Variants in ADAMTS12 observed in about 807,000 individuals in gnomAD.
The protein encoded by ADAMTS12 is A disintegrin and metalloproteinase with thrombospondin motifs 12.
ADAMTS12 carries 118 observed loss-of-function variants against 167.8 expected under a neutral mutation model. That is an observed-to-expected ratio of 0.70 (90% CI 0.61 to 0.82). The LOEUF (loss-of-function observed/expected upper bound fraction) is 0.82. Among genes scored for constraint, ADAMTS12 ranks in the 40% least tolerant of loss-of-function variants. The pLI is 0.00. For missense variants in ADAMTS12, 1,916 were observed against 1,998.8 expected, an observed-to-expected ratio of 0.96 and a Z score of 0.79; for synonymous variants, 704 against 716.9, an observed-to-expected ratio of 0.98 and a Z score of 0.29.
intron 2 of ADAMTS12, among the ~76,000 whole-genome samples, chr5:33,754,275 G>A (rs1745097335): frequency 6.6e-6 from 1 of 152,184 alleles, no homozygotes; most frequent in South Asian, 2.1e-4. Context: ...AAAGAAAATA[G>A]TTTCCATTCT....
intron 13 of ADAMTS12, 45 bp downstream of exon 13, chr5:33,630,735 G>A: frequency 1.3e-6 from 2 of 1,573,322 alleles, no homozygotes; most frequent in Non-Finnish European, 1.7e-6. Flanking sequence ...ATTAGTAAAA[G>A]TCATGATTTT....
chr5:33,696,834 C>T (rs989108270), intron 3 of ADAMTS12, among the ~76,000 whole-genome samples: 3 of 152,220 alleles, frequency 2.0e-5, no homozygotes, highest in Non-Finnish European at 2.9e-5. Context: ...TGGGCCTCTG[C>T]CCACTTCTGC....
chr5:33,690,101 AT>A (rs1361038866), intron 3 of ADAMTS12, among the ~76,000 whole-genome samples: 1 of 152,184 alleles, frequency 6.6e-6, no homozygotes, highest in East Asian at 1.9e-4. Flanking sequence ...TTGGCAGGTC[AT>A]TGTGGCCTTC....
chr5:33,763,314 T>A (rs1244536011), intron 2 of ADAMTS12, among the ~76,000 whole-genome samples: 2 of 152,042 alleles, frequency 1.3e-5, no homozygotes, highest in Non-Finnish European at 2.9e-5. Context: ...GGCAAGAGGA[T>A]CTGCACAAGT....
intron 2 of ADAMTS12, among the ~76,000 whole-genome samples, chr5:33,776,588 G>C (rs1295349488): frequency 6.6e-6 from 1 of 151,972 alleles, no homozygotes; most frequent in African/African-American, 2.4e-5. Flanking sequence ...TAAGAAAGAA[G>C]TTTGTAGCAA....
chr5:33,862,710 T>C (rs1749665778), intron 2 of ADAMTS12, among the ~76,000 whole-genome samples: 1 of 152,164 alleles, frequency 6.6e-6, no homozygotes, highest in Admixed American at 6.5e-5. Flanking sequence ...AGCATCACCC[T>C]GATACCAAAA....
chr5:33,811,820 G>T (rs552251892), intron 2 of ADAMTS12, among the ~76,000 whole-genome samples: 2 of 152,316 alleles, frequency 1.3e-5, no homozygotes, highest in South Asian at 4.2e-4. Context: ...ACCCAGGTGA[G>T]CCAACAAGGT....
chr5:33,580,097 A>G (rs936072082), intron 18 of ADAMTS12, among the ~76,000 whole-genome samples: 2 of 152,262 alleles, frequency 1.3e-5, no homozygotes, highest in African/African-American at 4.8e-5. Context: ...ATTTACCAAT[A>G]ACAAGAACTA....
intron 19 of ADAMTS12, among the ~76,000 whole-genome samples, chr5:33,569,659 A>G (rs528624733): frequency 1.3e-5 from 2 of 152,362 alleles, no homozygotes; most frequent in East Asian, 3.9e-4. Flanking sequence ...AACAGAGCAG[A>G]AAAACTGGAA....
At chr5:33,828,499 G>A (rs1748174264) in intron 2 of ADAMTS12, among the ~76,000 whole-genome samples, 1 of 152,008 alleles carries the variant, frequency 6.6e-6, no homozygotes, top group Non-Finnish European at 1.5e-5. Context: ...ATTTCTCAAT[G>A]TTTTGCTATA....
At position 33,523,705 on chromosome 5, in the gene ADAMTS12, A is replaced by G. The variant is rs1013115556; in HGVS notation, c.*3483T>C. On this transcript the variant is annotated 3_prime_UTR_variant, in exon 24 of 24. Coordinates refer to ENST00000504830, the MANE Select transcript of ADAMTS12 (RefSeq NM_030955.4). Reference sequence around the variant, plus strand: ...ATGGGCTGGGCCGTGTATGTCATACAATTATTTTGGAGGACAATGATGGGT... The same window carrying G: ...ATGGGCTGGGCCGTGTATGTCATACGATTATTTTGGAGGACAATGATGGGT... The G allele has an allele frequency of 6.6e-6, 1 of 152,176 alleles. No individual in the cohort carries two copies. Among genetic ancestry groups the G allele is most frequent in the African/African-American group, 2.4e-5 (1 of 41,426 alleles). The allele number at this position is 152,176 out of a possible 1,614,324, so 9.4% of individuals were successfully genotyped here. A position where few individuals can be genotyped will look rare whatever the true frequency, so the allele number is the denominator to read the frequency against.
intron 3 of ADAMTS12, among the ~76,000 whole-genome samples, chr5:33,705,639 A>C (rs1221215838): frequency 2.0e-5 from 3 of 151,942 alleles, no homozygotes; most frequent in African/African-American, 7.3e-5. Context: ...GTGTGAAACC[A>C]TCTCTACTAA....
chr5:33,635,251 A>G (rs1252251751), intron 12 of ADAMTS12, among the ~76,000 whole-genome samples: 1 of 152,196 alleles, frequency 6.6e-6, no homozygotes, highest in African/African-American at 2.4e-5. Context: ...AATCATAATA[A>G]AAAGGGTTGT....
chr5:33,571,083 C>G (rs568962969), intron 19 of ADAMTS12, among the ~76,000 whole-genome samples: 1 of 152,264 alleles, frequency 6.6e-6, no homozygotes, highest in South Asian at 2.1e-4. Flanking sequence ...CAGGAGCACC[C>G]AGATTCATAA....
chr5:33,828,058 TG>T (rs1561294295), intron 2 of ADAMTS12, among the ~76,000 whole-genome samples: 1 of 152,174 alleles, frequency 6.6e-6, no homozygotes, highest in Non-Finnish European at 1.5e-5. Context: ...TACCCAGGAA[TG>T]GGATGGTTGG....
At chr5:33,713,524 A>G (rs1387097708) in intron 3 of ADAMTS12, among the ~76,000 whole-genome samples, 1 of 152,172 alleles carries the variant, frequency 6.6e-6, no homozygotes, top group East Asian at 1.9e-4. Context: ...GAAATTTGGA[A>G]ATGGACCCAG....
chr5:33,709,878 AC>A (rs1193864421), intron 3 of ADAMTS12, among the ~76,000 whole-genome samples: 1 of 152,200 alleles, frequency 6.6e-6, no homozygotes, highest in African/African-American at 2.4e-5. Flanking sequence ...ATAGAAAAAA[AC>A]AAGTCAAAAT....
Position 33,641,819 on chromosome 5 carries a change from T to A in ADAMTS12, c.1709A>T (p.Asn570Ile). Reference sequence around the variant, plus strand: ...ATTTATCTGGACTCACTCGGGGTTGTTGCAGAGCCTCTCTGCGCTCTGGAC... The same window carrying A: ...ATTTATCTGGACTCACTCGGGGTTGATGCAGAGCCTCTCTGCGCTCTGGAC... ...AGVQSAERLC[N>I]NPEPKFGGKY... Residue 570 changes from asparagine (N) to isoleucine (I), a missense_variant, in exon 11 of 24, where the codon AAC becomes ATC. By Grantham distance (149) the Asn-to-Ile change is moderately radical. Coordinates refer to ENST00000504830, the MANE Select transcript of ADAMTS12 (RefSeq NM_030955.4). 1.2e-6 allele frequency: 2 copies of A among 1,610,240 alleles called. No individual in the cohort carries two copies. The highest frequency in any genetic ancestry group is 1.7e-6 in the Non-Finnish European group (2 of 1,177,422).
At chr5:33,851,008 A>C (rs1173286509) in intron 2 of ADAMTS12, among the ~76,000 whole-genome samples, 1 of 152,228 alleles carries the variant, frequency 6.6e-6, no homozygotes, top group African/African-American at 2.4e-5. Context: ...GCTAGATGGG[A>C]GCATTCAGGC....
Sources: allele counts gnomAD v4.1 joint callset (sites outside exome capture counted in the v4.1 genomes callset), GRCh38; gene constraint gnomAD v4.1.1; transcripts MANE v1.5; gene names NCBI Gene and HGNC (gene_info 2026-07-23, HGNC 2026-07-21).